SCAF11: variants seen among roughly 807,000 people sequenced by gnomAD.
SCAF11 encodes protein SCAF11.
SCAF11 carries 47 observed loss-of-function variants against 140.5 expected under a neutral mutation model. The ratio of observed to expected loss-of-function variants is 0.33; its 90% confidence interval spans 0.26 to 0.43. The LOEUF is 0.43. Ranked by LOEUF, SCAF11 falls within the 20% of genes least tolerant of loss-of-function variation. The pLI is 1.00. For synonymous variants in SCAF11, 557 were observed against 579.4 expected (o/e 0.96, Z 0.55); for missense variants, 1,645 against 1,705.1 (o/e 0.96, Z 0.62).
At chr12:45,989,934 A>C (rs2136681996) in intron 1 of SCAF11, among the ~76,000 whole-genome samples, 1 of 152,144 alleles carries the variant, frequency 6.6e-6, no homozygotes, top group African/African-American at 2.4e-5. Flanking sequence ...TTTCCACTGC[A>C]GGGAGGAGGG....
intron 6 of SCAF11, among the ~76,000 whole-genome samples, chr12:45,937,883 T>G (rs1215684030): frequency 6.6e-6 from 1 of 152,150 alleles, no homozygotes; most frequent in Non-Finnish European, 1.5e-5. Context: ...GGTACTCCCC[T>G]TCCTCTACCC....
At chr12:45,937,171 T>C (rs1945191035) in intron 6 of SCAF11, among the ~76,000 whole-genome samples, 1 of 152,178 alleles carries the variant, frequency 6.6e-6, no homozygotes, top group Non-Finnish European at 1.5e-5. Flanking sequence ...TTTTCCTTCC[T>C]GAAATTTTAT....
chr12:45,990,698 C>G (rs903876295), upstream of SCAF11: 3 of 773,116 alleles, frequency 3.9e-6, no homozygotes, highest in South Asian at 6.8e-5. Flanking sequence ...TCGCCACATT[C>G]TGCTTACTCG....
At chr12:45,957,438 CT>C (rs2136598511) in intron 3 of SCAF11, among the ~76,000 whole-genome samples, 1 of 152,188 alleles carries the variant, frequency 6.6e-6, no homozygotes, top group South Asian at 2.1e-4. Flanking sequence ...AAAATATAAC[CT>C]TCACCTATGT....
rs138994649 is a variant in SCAF11, at chr12:45,924,927, T to G, written c.3707A>C (p.His1236Pro). 1.2e-6 allele frequency: 2 copies of G among 1,614,054 alleles called. No homozygotes were observed. The highest frequency in any genetic ancestry group is 2.7e-5 in the African/African-American group (2 of 74,918). Reference sequence around the variant, plus strand: ...GCGTTGGATGTTCATCAAAGGAGCATGAACACCCACTGGATATGGGAAGAT... The same window carrying G: ...GCGTTGGATGTTCATCAAAGGAGCAGGAACACCCACTGGATATGGGAAGAT... ...MNIFPYPVGV[H>P]APLMNIQRNP... Residue 1236 changes from histidine to proline, a missense_variant, in exon 12 of 15, where the codon CAT becomes CCT. By Grantham distance (77) the His-to-Pro change is moderately conservative (BLOSUM62 -2). Transcript: ENST00000369367.
At chr12:45,924,696 T>C (rs1423030756) in intron 12 of SCAF11, 32 bp downstream of exon 12, 3 of 1,531,782 alleles carry the variant, frequency 2.0e-6, no homozygotes, top group South Asian at 2.4e-5. Flanking sequence ...ACAATGGCTA[T>C]ATTGATTAAA....
At chr12:45,965,996 C>A (rs1184329323) in intron 1 of SCAF11, among the ~76,000 whole-genome samples, 1 of 152,108 alleles carries the variant, frequency 6.6e-6, no homozygotes, top group Non-Finnish European at 1.5e-5. Context: ...TTTTTTTAAT[C>A]CAATCAATCT....
intron 1 of SCAF11, 40 bp downstream of exon 1, chr12:45,990,313 T>C: frequency 8.1e-7 from 1 of 1,231,570 alleles, no homozygotes; most frequent in Non-Finnish European, 1.0e-6. Flanking sequence ...CCCAGACAGC[T>C]GCCCAAGCCC....
intron 1 of SCAF11, among the ~76,000 whole-genome samples, chr12:45,980,322 G>A (rs535897033): frequency 2.0e-5 from 3 of 152,204 alleles, no homozygotes; most frequent in African/African-American, 4.8e-5. Flanking sequence ...ATATTACTAG[G>A]ATCCAACAGC....
intron 5 of SCAF11, among the ~76,000 whole-genome samples, chr12:45,947,172 G>A (rs1476581160): frequency 6.6e-6 from 1 of 152,078 alleles, no homozygotes; most frequent in Non-Finnish European, 1.5e-5. Flanking sequence ...ACAACATATT[G>A]ACTTAAAAAT....
intron 4 of SCAF11, 40 bp from the exon 5 acceptor site, chr12:45,948,577 C>A: frequency 8.1e-7 from 1 of 1,235,576 alleles, no homozygotes. Context: ...AACAATCCAG[C>A]CTTACAAATA....
intron 5 of SCAF11, among the ~76,000 whole-genome samples, chr12:45,947,286 TATTCA>T (rs1945444216): frequency 2.0e-5 from 3 of 152,196 alleles, no homozygotes; most frequent in Admixed American, 2.0e-4. Flanking sequence ...GTACTACTCA[TATTCA>T]ATTTACCTCA....
intron 1 of SCAF11, among the ~76,000 whole-genome samples, chr12:45,980,960 AT>A (rs1946335413): frequency 6.6e-6 from 1 of 152,234 alleles, no homozygotes; most frequent in Non-Finnish European, 1.5e-5. Context: ...ATAACCTAAT[AT>A]ATCACATCAT....
At chr12:45,990,617 C>T (rs1946579403), upstream of SCAF11, 1 of 1,213,572 alleles carries the variant, frequency 8.2e-7, no homozygotes, top group Non-Finnish European at 1.0e-6. Flanking sequence ...CCCCTCCCCT[C>T]CCTGCGCGTC....
At position 45,919,990 on chromosome 12, in the gene SCAF11, GT is replaced by G. The variant is rs1367933449; in HGVS notation, c.*2057del. The G allele has an allele frequency of 6.6e-6, 1 of 152,172 alleles. No individual in the cohort carries two copies. Among genetic ancestry groups the G allele is most frequent in the East Asian group, 1.9e-4 (1 of 5,204 alleles). 9.4% of individuals were successfully genotyped at this position (152,172 alleles called of 1,614,324 possible). A position where few individuals can be genotyped will look rare whatever the true frequency, so the allele number is the denominator to read the frequency against. The stretch of plus-strand genomic sequence containing the variant: ...AAATACTTTCAATGTTCACAAAATT[GT>G]TTCTAGAGTTCTAATCTAAAACAAC... On this transcript the variant is annotated 3_prime_UTR_variant, in exon 15 of 15. Transcript: ENST00000369367.
intron 6 of SCAF11, among the ~76,000 whole-genome samples, chr12:45,935,254 T>C (rs1244787807): frequency 6.6e-6 from 1 of 152,220 alleles, no homozygotes; most frequent in African/African-American, 2.4e-5. Flanking sequence ...TTCTGTTAGT[T>C]CAGTTGGTAA....
At chr12:45,953,321 C>A (rs900471000) in intron 3 of SCAF11, among the ~76,000 whole-genome samples, 8 of 152,146 alleles carry the variant, frequency 5.3e-5, no homozygotes, top group African/African-American at 1.2e-4. Context: ...CAGTGGCATA[C>A]CCTGTATGAA....
chr12:45,947,371 G>T (rs1240439521), intron 5 of SCAF11, among the ~76,000 whole-genome samples: 1 of 151,964 alleles, frequency 6.6e-6, no homozygotes, highest in African/African-American at 2.4e-5. Flanking sequence ...GTTAAAATAG[G>T]CAATGGTTTT....
chr12:45,978,457 G>C (rs975389847), intron 1 of SCAF11, among the ~76,000 whole-genome samples: 2 of 152,174 alleles, frequency 1.3e-5, no homozygotes, highest in African/African-American at 4.8e-5. Flanking sequence ...GAAAAGTAGA[G>C]TTTACACGTA....
Sources: allele counts gnomAD v4.1 joint callset (sites outside exome capture counted in the v4.1 genomes callset), GRCh38; gene constraint gnomAD v4.1.1; transcripts MANE v1.5; gene names NCBI Gene and HGNC (gene_info 2026-07-23, HGNC 2026-07-21).